Variants in SNTG1 observed in about 807,000 individuals in gnomAD.
SNTG1 encodes the protein syntrophin gamma 1.
SNTG1 carries 39 observed loss-of-function variants against 74.7 expected under a neutral mutation model. The observed-to-expected ratio is 0.52, with a 90% confidence interval of 0.40 to 0.68. The LOEUF (loss-of-function observed/expected upper bound fraction) is 0.68. Among genes scored for constraint, SNTG1 ranks in the 30% least tolerant of loss-of-function variants. SNTG1 has a pLI of 0.00. For missense variants in SNTG1, 685 were observed against 609.5 expected, an observed-to-expected ratio of 1.12 and a Z score of -1.30; for synonymous variants, 254 against 217.1, an observed-to-expected ratio of 1.17 and a Z score of -1.49.
intron 2 of SNTG1, among the ~76,000 whole-genome samples, chr8:50,279,106 T>C (rs1027911420): frequency 6.6e-6 from 1 of 152,136 alleles, no homozygotes; most frequent in African/African-American, 2.4e-5. Flanking sequence ...TATCAAAAGC[T>C]TAAATGATGC....
chr8:50,022,133 T>A (rs1816878802), intron 1 of SNTG1, among the ~76,000 whole-genome samples: 1 of 152,166 alleles, frequency 6.6e-6, no homozygotes, highest in East Asian at 1.9e-4. Context: ...CCAAGCTCCA[T>A]CACTTTCTTG....
intron 4 of SNTG1, 111 bp from the exon 5 acceptor site, chr8:50,438,432 G>A: frequency 2.5e-6 from 2 of 803,188 alleles, no homozygotes; most frequent in Non-Finnish European, 2.1e-6. Flanking sequence ...GTTCTCTTTT[G>A]TTTTAAAGAG....
intron 2 of SNTG1, among the ~76,000 whole-genome samples, chr8:50,384,490 G>A (rs538755128): frequency 1.3e-5 from 2 of 152,182 alleles, no homozygotes; most frequent in Admixed American, 6.6e-5. Context: ...TTTCCATGAT[G>A]TAAGTGTGGC....
At chr8:50,017,792 A>G (rs938048582) in intron 1 of SNTG1, among the ~76,000 whole-genome samples, 6 of 152,068 alleles carry the variant, frequency 3.9e-5, no homozygotes, top group African/African-American at 1.2e-4. Flanking sequence ...ACAGAGAGAA[A>G]GACAGAGAGA....
chr8:50,344,454 C>T (rs2091414119), intron 2 of SNTG1, among the ~76,000 whole-genome samples: 1 of 152,138 alleles, frequency 6.6e-6, no homozygotes. Flanking sequence ...AGGGATTCCA[C>T]ACACTCCATC....
intron 9 of SNTG1, among the ~76,000 whole-genome samples, chr8:50,508,318 C>T (rs918448248): frequency 6.6e-6 from 1 of 152,118 alleles, no homozygotes; most frequent in African/African-American, 2.4e-5. Flanking sequence ...TCCAGTCTAT[C>T]ATTGTTGGAT....
intron 18 of SNTG1, among the ~76,000 whole-genome samples, chr8:50,783,087 G>T (rs191487711): frequency 6.6e-6 from 1 of 152,126 alleles, no homozygotes; most frequent in African/African-American, 2.4e-5. Context: ...GGAGTACCCG[G>T]CCGTGTGAGG....
intron 1 of SNTG1, among the ~76,000 whole-genome samples, chr8:49,944,491 C>T (rs922625299): frequency 2.8e-5 from 4 of 144,232 alleles, no homozygotes; most frequent in Non-Finnish European, 6.0e-5. Flanking sequence ...AAAAACCAAA[C>T]ACTGCATGTT....
chr8:50,411,573 G>A (rs1227584224), intron 4 of SNTG1, among the ~76,000 whole-genome samples: 1 of 152,028 alleles, frequency 6.6e-6, no homozygotes, highest in Non-Finnish European at 1.5e-5. Context: ...AGAGAGTTGT[G>A]ATTTTATAAC....
At chr8:50,015,003 C>A (rs1266834245) in intron 1 of SNTG1, among the ~76,000 whole-genome samples, 8 of 150,184 alleles carry the variant, frequency 5.3e-5, no homozygotes, top group African/African-American at 2.0e-4. Flanking sequence ...GAAAAGTATA[C>A]CACATGCACA....
chr8:50,043,228 C>T (rs1433592815), intron 1 of SNTG1, among the ~76,000 whole-genome samples: 1 of 152,102 alleles, frequency 6.6e-6, no homozygotes, highest in Admixed American at 6.5e-5. Flanking sequence ...TCTATATTAG[C>T]AAGTCTAAAT....
chr8:50,089,723 G>T (rs2079642417), intron 1 of SNTG1, among the ~76,000 whole-genome samples: 1 of 152,154 alleles, frequency 6.6e-6, no homozygotes, highest in Non-Finnish European at 1.5e-5. Context: ...TCTCACACCA[G>T]TTAGAATGGC....
At chr8:50,131,863 A>AAT (rs1479529195) in intron 1 of SNTG1, among the ~76,000 whole-genome samples, 1 of 152,034 alleles carries the variant, frequency 6.6e-6, no homozygotes, top group African/African-American at 2.4e-5. Flanking sequence ...ATATATATAC[A>AAT]ATATATATAA....
intron 4 of SNTG1, among the ~76,000 whole-genome samples, chr8:50,435,010 T>G (rs1357119552): frequency 1.3e-5 from 2 of 152,154 alleles, no homozygotes; most frequent in Non-Finnish European, 2.9e-5. Flanking sequence ...GTGTCATGTA[T>G]ATTTTTCTTC....
At chr8:50,360,562 A>G (rs901082716) in intron 2 of SNTG1, among the ~76,000 whole-genome samples, 3 of 152,130 alleles carry the variant, frequency 2.0e-5, no homozygotes, top group African/African-American at 4.8e-5. Context: ...TGTTGTGCCA[A>G]TATCAGTGTA....
intron 1 of SNTG1, among the ~76,000 whole-genome samples, chr8:50,068,211 A>T (rs1821057671): frequency 6.6e-6 from 1 of 151,800 alleles, no homozygotes; most frequent in South Asian, 2.1e-4. Context: ...CCTAATTACA[A>T]CCTCTGTGGG....
chr8:50,525,458 T>C (rs1417523114), intron 9 of SNTG1, among the ~76,000 whole-genome samples: 1 of 152,160 alleles, frequency 6.6e-6, no homozygotes, highest in African/African-American at 2.4e-5. Flanking sequence ...TTTCTTTGAA[T>C]AAGCTCTCTG....
chr8:49,993,586 T>C (rs1277387292), intron 1 of SNTG1, among the ~76,000 whole-genome samples: 3 of 152,042 alleles, frequency 2.0e-5, no homozygotes, highest in Non-Finnish European at 1.5e-5. Context: ...GCCAAGTGTG[T>C]GTGATATTCC....
At chr8:50,692,308 G>A (rs1324435769) in intron 15 of SNTG1, among the ~76,000 whole-genome samples, 3 of 152,148 alleles carry the variant, frequency 2.0e-5, no homozygotes, top group Admixed American at 6.5e-5. Context: ...GCATTCCTTT[G>A]GAGGAGGAGA....
Sources: gnomAD v4.1 joint callset for allele counts (sites outside exome capture counted in the v4.1 genomes callset) on GRCh38, gnomAD v4.1.1 for gene constraint, MANE v1.5 for transcripts, NCBI Gene and HGNC (gene_info 2026-07-23, HGNC 2026-07-21) for gene names.